The following NXPE3 variants were observed in gnomAD, a reference collection of about 807,000 sequenced individuals.
NXPE3 encodes the protein neurexophilin and PC-esterase domain family member 3.
In NXPE3, 26 loss-of-function variants were observed where a neutral mutation model predicts 46.1. That is an observed-to-expected ratio of 0.56 (90% CI 0.41 to 0.78). The LOEUF (loss-of-function observed/expected upper bound fraction) is 0.78. Ranked by LOEUF, NXPE3 falls within the 30% of genes least tolerant of loss-of-function variation. NXPE3 has a pLI of 0.00. For synonymous variants in NXPE3, 272 were observed against 257.9 expected (o/e 1.05, Z -0.52); for missense variants, 620 against 686.0 (o/e 0.90, Z 1.07).
chr3:101,817,081 A>G (rs1942008357), intron 7 of NXPE3, 80 bp downstream of exon 7: 1 of 1,239,480 alleles, frequency 8.1e-7, no homozygotes, highest in South Asian at 1.2e-5. Context: ...TGCCTGAAGA[A>G]AGGTTATCAG....
intron 7 of NXPE3, among the ~76,000 whole-genome samples, chr3:101,818,684 C>A (rs1942073058): frequency 8.9e-6 from 1 of 112,360 alleles, no homozygotes; most frequent in South Asian, 3.3e-4. Flanking sequence ...AAAAATGAAA[C>A]CTACTTTAAC....
chr3:101,808,818 G>GATATAGAT (rs71132598), intron 6 of NXPE3, among the ~76,000 whole-genome samples: 9 of 30,808 alleles, frequency 2.9e-4, no homozygotes, highest in Non-Finnish European at 4.7e-4. Flanking sequence ...AATTTTAGAG[G>GATATAGAT]ATATATATAT....
chr3:101,786,878 A>G (rs1940216543), intron 4 of NXPE3, among the ~76,000 whole-genome samples: 1 of 152,128 alleles, frequency 6.6e-6, no homozygotes, highest in Non-Finnish European at 1.5e-5. Flanking sequence ...CCCACCATCT[A>G]TGTCTAGAAC....
chr3:101,811,317 A>G (rs1341676598), intron 6 of NXPE3, among the ~76,000 whole-genome samples: 2 of 152,242 alleles, frequency 1.3e-5, no homozygotes, highest in Non-Finnish European at 2.9e-5. Flanking sequence ...ATAGAAAACT[A>G]ATAAAATAAC....
chr3:101,791,474 C>T (rs910467066), intron 4 of NXPE3, among the ~76,000 whole-genome samples: 1 of 152,218 alleles, frequency 6.6e-6, no homozygotes, highest in South Asian at 2.1e-4. Context: ...CAACCTCCGC[C>T]TCCCAGGTTC....
rs534440107 is a variant in NXPE3 at position 101,817,152 on chromosome 3, T to G, written c.1129+151T>G. ...GGTACCCAAACCCTGGAGAGATGTG[T>G]GACAGTTTCTGATCAATAGCTGTGT... On this transcript the variant is annotated intron_variant, in intron 7 of 7. Transcript: ENST00000273347. 10 of 686,972 alleles carry G rather than the reference T, an allele frequency of 1.5e-5. No homozygotes were observed. The East Asian group carries it at 2.6e-4, about 18-fold the overall frequency. The allele number at this position is 686,972 out of a possible 1,614,324, so 42.6% of individuals were successfully genotyped here.
Position 101,827,659 on chromosome 3 carries a change from T to G in NXPE3, c.*5705T>G, listed in dbSNP as rs956657252. On this transcript the variant is annotated 3_prime_UTR_variant, in exon 8 of 8. Coordinates refer to ENST00000273347, the MANE Select transcript of NXPE3 (RefSeq NM_145037.4). Reference sequence around the variant, plus strand: ...TAAAAGGACGTCTTTAAGGAAAAAGTTTTGTTTGTAGATGTTGCCTCTGAT... The same window carrying G: ...TAAAAGGACGTCTTTAAGGAAAAAGGTTTGTTTGTAGATGTTGCCTCTGAT... Among the ~76,000 whole-genome samples the G allele has an allele frequency of 6.6e-6, 1 of 152,062 alleles. No homozygotes were observed. The highest frequency in any genetic ancestry group is 1.5e-5 in the Non-Finnish European group (1 of 68,004).
At chr3:101,806,294 G>T (rs553452913) in intron 5 of NXPE3, among the ~76,000 whole-genome samples, 1 of 152,162 alleles carries the variant, frequency 6.6e-6, no homozygotes, top group Admixed American at 6.6e-5. Context: ...AAGTACAAGA[G>T]ACCTAGTTTT....
rs117973163 is a variant in NXPE3 at position 101,816,748 on chromosome 3, T to G, written c.923-47T>G. The G allele has an allele frequency of 8.6e-3, 12,140 of 1,409,494 alleles. 129 individuals are homozygous for G. The highest frequency in any genetic ancestry group is 0.048 in the East Asian group (2,045 of 43,002). The allele number at this position is 1,409,494 out of a possible 1,614,324, so 87.3% of individuals were successfully genotyped here. A position where few individuals can be genotyped will look rare whatever the true frequency, so the allele number is the denominator to read the frequency against. On this transcript the variant is annotated intron_variant, in intron 6 of 7. Transcript: ENST00000273347. The stretch of plus-strand genomic sequence containing the variant: ...GTTTCTTGGGACATTTTTCATCTAT[T>G]GTTGGAGGAGAATATTAAAATATTT...
At chr3:101,796,041 G>A (rs1245919701) in intron 4 of NXPE3, among the ~76,000 whole-genome samples, 1 of 152,186 alleles carries the variant, frequency 6.6e-6, no homozygotes, top group Non-Finnish European at 1.5e-5. Context: ...GGGAATTAGT[G>A]GTGCCTGGAT....
intron 1 of NXPE3, chr3:101,779,742 A>G (rs1238161791): frequency 3.3e-5 from 5 of 152,504 alleles, no homozygotes; most frequent in African/African-American, 1.2e-4. Flanking sequence ...AGGCACCTTC[A>G]CTAACCCGGT....
chr3:101,799,816 T>C (rs1941036974), intron 4 of NXPE3, among the ~76,000 whole-genome samples: 1 of 152,352 alleles, frequency 6.6e-6, no homozygotes, highest in Admixed American at 6.5e-5. Flanking sequence ...TTCAAGGAAT[T>C]GGTCCATTTC....
At chr3:101,807,946 T>C (rs1194242589) in intron 6 of NXPE3, among the ~76,000 whole-genome samples, 1 of 152,098 alleles carries the variant, frequency 6.6e-6, no homozygotes, top group African/African-American at 2.4e-5. Flanking sequence ...ACATTGCTGC[T>C]CTAGAGATAT....
intron 5 of NXPE3, among the ~76,000 whole-genome samples, chr3:101,805,432 CTT>C (rs1204375308): frequency 4.2e-4 from 59 of 140,412 alleles, no homozygotes; most frequent in Admixed American, 2.9e-4. Flanking sequence ...GTAGAATGTC[CTT>C]TTTTTTTTTT....
At chr3:101,795,125 C>T (rs945435120) in intron 4 of NXPE3, among the ~76,000 whole-genome samples, 1 of 152,234 alleles carries the variant, frequency 6.6e-6, no homozygotes, top group Non-Finnish European at 1.5e-5. Context: ...CAGTCTCTCA[C>T]TCTCTAATCC....
intron 6 of NXPE3, among the ~76,000 whole-genome samples, chr3:101,808,983 C>G (rs529606531): frequency 6.6e-6 from 1 of 151,704 alleles, no homozygotes; most frequent in South Asian, 2.1e-4. Context: ...GGCCCTGTCT[C>G]CCACTACTGG....
intron 1 of NXPE3, among the ~76,000 whole-genome samples, chr3:101,781,342 G>T (rs1939814706): frequency 6.6e-6 from 1 of 152,188 alleles, no homozygotes; most frequent in Admixed American, 6.5e-5. Flanking sequence ...TAGGGTTGCT[G>T]TCTGATTTTC....
In NXPE3 at chr3:101,822,060, A is replaced by C. The variant is rs933004373; in HGVS notation, c.*106A>C. 25 of 997,806 alleles carry C rather than the reference A, an allele frequency of 2.5e-5. No individual in the cohort carries two copies. The highest frequency in any genetic ancestry group is 3.0e-6 in the Non-Finnish European group (2 of 677,318). 61.8% of individuals were successfully genotyped at this position (997,806 alleles called of 1,614,324 possible). A position where few individuals can be genotyped will look rare whatever the true frequency, so the allele number is the denominator to read the frequency against. Reference sequence around the variant, plus strand: ...AGATGACTGCCCTTAATAAGTATAAAATTTCAAAAAGATCTGGACTTAATA... The same window carrying C: ...AGATGACTGCCCTTAATAAGTATAACATTTCAAAAAGATCTGGACTTAATA... On this transcript the variant is annotated 3_prime_UTR_variant, in exon 8 of 8. Transcript: ENST00000273347.
chr3:101,801,706 C>T lies in NXPE3; in HGVS notation c.565C>T (p.His189Tyr). Residue 189 changes from histidine (H) to tyrosine (Y), a missense_variant, in exon 5 of 8, where the codon CAC (histidine) becomes TAC (tyrosine). Physicochemically the swap from His to Tyr is moderately conservative, Grantham distance 83. Around this residue, in one of 3 missense-constraint regions of NXPE3, gnomAD observed 511 missense variants for 528.6 expected, o/e 0.97. Transcript: ENST00000273347. ...AGTTAAAGTATCCGTATCTCTGGTC[C>T]ACCCCAGTGAAGGGATCAGAGTTCT... ...GKVKVSVSLV[H>Y]PSEGIRVLQR... 6.2e-7 allele frequency: 1 copy of T among 1,614,180 alleles called. No homozygotes were observed. Among genetic ancestry groups the T allele is most frequent in the Non-Finnish European group, 8.5e-7 (1 of 1,180,032 alleles).
Sources: gnomAD v4.1 joint callset for allele counts (sites outside exome capture counted in the v4.1 genomes callset) on GRCh38, gnomAD v4.1.1 for gene constraint, gnomAD v4.1.1 regional missense constraint, MANE v1.5 for transcripts, NCBI Gene and HGNC (gene_info 2026-07-23, HGNC 2026-07-21) for gene names.